The following PRKCZ variants were observed in gnomAD, a reference collection of about 807,000 sequenced individuals.
PRKCZ encodes the protein protein kinase C zeta type.
A neutral mutation model predicts 79.5 loss-of-function variants in PRKCZ; 33 were observed. The ratio of observed to expected loss-of-function variants is 0.41; its 90% CI spans 0.31 to 0.55. The LOEUF (loss-of-function observed/expected upper bound fraction) is 0.55. PRKCZ is among the 20% of genes least tolerant of loss of function. The pLI, the probability that PRKCZ is intolerant of heterozygous loss-of-function variation, is 0.19. For synonymous variants in PRKCZ, 342 were observed against 320.9 expected (o/e 1.07, Z -0.70); for missense variants, 578 against 813.5 (o/e 0.71, Z 3.52).
At position 2,165,271 on chromosome 1, in the gene PRKCZ, C is replaced by T. The variant is rs961844081; in HGVS notation, c.975-4247C>T. ...GATTTTCCAGCGTGCCCTGTAATGA[C>T]GGTGCTGTCACCGCTGTGATGTCCG... is the stretch of plus-strand genomic sequence containing the variant. On this transcript the variant is annotated intron_variant, in intron 10 of 17. Coordinates refer to ENST00000378567, the MANE Select transcript of PRKCZ (RefSeq NM_002744.6). This position sits in a 1 kb window ranked among gnomAD's most constrained non-coding sequence, Gnocchi z 4.1. Among the ~76,000 whole-genome samples the T allele has an allele frequency of 3.3e-5, 5 of 152,176 alleles. No individual in the cohort carries two copies. The highest frequency in any genetic ancestry group is 2.0e-4 in the Admixed American group (3 of 15,278).
intron 4 of PRKCZ, among the ~76,000 whole-genome samples, chr1:2,088,541 C>T (rs1664929483): frequency 6.6e-6 from 1 of 152,250 alleles, no homozygotes; most frequent in African/African-American, 2.4e-5. Flanking sequence ...CTCAGCCTCT[C>T]CATCCCACGC....
chr1:2,059,426 G>A (rs1056920077), intron 3 of PRKCZ, 115 bp from the exon 4 acceptor site: 18 of 1,276,164 alleles, frequency 1.4e-5, no homozygotes, highest in Middle Eastern at 2.3e-4. Context: ...GCAGTGCCAC[G>A]TGCGCCTTGC....
At chr1:2,083,055 T>C (rs761510998) in intron 4 of PRKCZ, among the ~76,000 whole-genome samples, 3 of 152,202 alleles carry the variant, frequency 2.0e-5, no homozygotes, top group Non-Finnish European at 4.4e-5. Flanking sequence ...TTAGGGCGGC[T>C]GTACAGTGAG....
chr1:2,159,698 C>T (rs998808641), intron 10 of PRKCZ, among the ~76,000 whole-genome samples: 2 of 152,212 alleles, frequency 1.3e-5, no homozygotes, highest in African/African-American at 2.4e-5. Context: ...AGTCTCACCT[C>T]GTGTGTCCAG....
intron 16 of PRKCZ, 46 bp downstream of exon 16, chr1:2,175,359 C>T (rs1685239507): frequency 6.7e-7 from 1 of 1,482,404 alleles, no homozygotes; most frequent in Non-Finnish European, 9.3e-7. Context: ...CCATCCCAAC[C>T]CCAAATCTAC....
At chr1:2,159,774 A>G (rs1459389520) in intron 10 of PRKCZ, among the ~76,000 whole-genome samples, 1 of 150,912 alleles carries the variant, frequency 6.6e-6, no homozygotes, top group Non-Finnish European at 1.5e-5. Context: ...GACAAACCAT[A>G]CCCCATATCT....
chr1:2,063,262 G>A (rs191276026), intron 4 of PRKCZ, among the ~76,000 whole-genome samples: 477 of 152,362 alleles, frequency 3.1e-3, no homozygotes, highest in Non-Finnish European at 5.4e-3. Context: ...CCTGCCTTCA[G>A]TTCTGGGTGT....
At chr1:2,124,821 G>C (rs1673553585) in intron 4 of PRKCZ, among the ~76,000 whole-genome samples, 1 of 151,938 alleles carries the variant, frequency 6.6e-6, no homozygotes. Context: ...GCATCTCTCT[G>C]GCAACACCTT....
intron 4 of PRKCZ, among the ~76,000 whole-genome samples, chr1:2,067,464 T>A (rs537306714): frequency 6.6e-6 from 1 of 152,082 alleles, no homozygotes; most frequent in East Asian, 1.9e-4. Context: ...GAGCGCCTGG[T>A]TTTTTGGGGG....
In PRKCZ at chr1:2,123,645, T is replaced by C. The variant is rs796793431; in HGVS notation, c.335-11617T>C. On this transcript the variant is annotated intron_variant, in intron 4 of 17. Coordinates refer to ENST00000378567, the MANE Select transcript of PRKCZ (RefSeq NM_002744.6). ...GTCACGGCGGTGGTTAGGGTCACGG[T>C]GGTAGTTAGGGTCACGGTGGTGGTT... Among the ~76,000 whole-genome samples, 6 of 22,574 alleles carry C rather than the reference T, an allele frequency of 2.7e-4. 1 individual carries two copies. Among genetic ancestry groups the C allele is most frequent in the Non-Finnish European group, 5.1e-4 (6 of 11,878 alleles). The allele number at this position is 22,574 out of a possible 152,430, so 14.8% of individuals were successfully genotyped here.
In PRKCZ at chr1:2,123,663, T is replaced by C. The variant is rs1221524724; in HGVS notation, c.335-11599T>C. On this transcript the variant is annotated intron_variant, in intron 4 of 17. Coordinates refer to ENST00000378567, the MANE Select transcript of PRKCZ (RefSeq NM_002744.6). Reference sequence around the variant, plus strand: ...GTCACGGTGGTAGTTAGGGTCACGGTGGTGGTTAGGGTCACGGCGGTGGTT... The same window carrying C: ...GTCACGGTGGTAGTTAGGGTCACGGCGGTGGTTAGGGTCACGGCGGTGGTT... 1.2e-3 allele frequency among the ~76,000 whole-genome samples: 9 copies of C among 7,260 alleles called. 4 individuals are homozygous for C. The highest frequency in any genetic ancestry group is 0.091 in the Middle Eastern group (2 of 22). The allele number at this position is 7,260 out of a possible 152,430, so 4.8% of individuals were successfully genotyped here.
intron 7 of PRKCZ, 57 bp from the exon 8 acceptor site, chr1:2,148,815 T>A (rs1679259323): frequency 1.3e-6 from 2 of 1,564,202 alleles, no homozygotes; most frequent in African/African-American, 2.7e-5. Flanking sequence ...GTCGCTGTGT[T>A]CCCAGTGCGT....
Position 2,150,876 on chromosome 1 carries a change from C to T in PRKCZ, c.774C>T (p.Ile258=), listed in dbSNP as rs375972106. The T allele has an allele frequency of 2.6e-5, 42 of 1,614,058 alleles. No homozygotes were observed. Among genetic ancestry groups the T allele is most frequent in the Non-Finnish European group, 3.1e-5 (37 of 1,180,036 alleles). ...AGGACTTTGACCTAATCAGAGTCAT[C>T]GGGCGCGGGAGCTACGCCAAGGTTC... ...GLQDFDLIRV[I]GRGSYAKVLL... Residue 258 remains isoleucine, a synonymous_variant, in exon 9 of 18, where the codon ATC becomes ATT. Transcript: ENST00000378567.
chr1:2,064,252 C>G (rs191119155), intron 4 of PRKCZ, among the ~76,000 whole-genome samples: 75 of 152,330 alleles, frequency 4.9e-4, no homozygotes, highest in Admixed American at 8.5e-4. Flanking sequence ...TACTAGTTCT[C>G]TGTCCTGGAT....
intron 4 of PRKCZ, among the ~76,000 whole-genome samples, chr1:2,106,080 A>T (rs141439134): frequency 5.9e-5 from 9 of 152,268 alleles, no homozygotes; most frequent in Non-Finnish European, 1.2e-4. Context: ...TTGTTGGGAG[A>T]TGAGGGCCTC....
At chr1:2,098,252 G>A (rs1015704943) in intron 4 of PRKCZ, 2 of 152,204 alleles carry the variant, frequency 1.3e-5, no homozygotes, top group Non-Finnish European at 2.9e-5. Flanking sequence ...GTAACCATAC[G>A]GATACATTGC....
At chr1:2,079,454 T>C (rs1415973299) in intron 4 of PRKCZ, among the ~76,000 whole-genome samples, 1 of 152,212 alleles carries the variant, frequency 6.6e-6, no homozygotes, top group Non-Finnish European at 1.5e-5. Flanking sequence ...AAGCCCACGC[T>C]ATTTGCCGCG....
chr1:2,130,353 G>A (rs1371230853), intron 4 of PRKCZ, among the ~76,000 whole-genome samples: 1 of 152,204 alleles, frequency 6.6e-6, no homozygotes, highest in African/African-American at 2.4e-5. Context: ...TGGGGGTATT[G>A]GGTGTCCTGC....
intron 10 of PRKCZ, among the ~76,000 whole-genome samples, chr1:2,159,932 G>A (rs987664599): frequency 3.3e-5 from 5 of 152,098 alleles, no homozygotes; most frequent in Admixed American, 1.3e-4. Flanking sequence ...AGCGTCCCCC[G>A]CCCCATTCAA....
Sources: allele counts gnomAD v4.1 joint callset (sites outside exome capture counted in the v4.1 genomes callset), GRCh38; gene constraint gnomAD v4.1.1; non-coding constraint Gnocchi (gnomAD v3.1); transcripts MANE v1.5; gene names NCBI Gene and HGNC (gene_info 2026-07-23, HGNC 2026-07-21).